The following RAD21L1 variants were observed in gnomAD, a reference collection of about 807,000 sequenced individuals.
The protein encoded by RAD21L1 is RAD21 cohesin complex component like 1.
Under a neutral mutation model 69.0 loss-of-function variants are expected in RAD21L1, and 47 were observed. The ratio of observed to expected loss-of-function variants is 0.68; its 90% CI spans 0.54 to 0.87. RAD21L1 has a LOEUF of 0.87. RAD21L1 is among the 40% of genes least tolerant of loss of function. The pLI is 0.00. For synonymous variants in RAD21L1, 177 were observed against 205.8 expected, an observed-to-expected ratio of 0.86 and a Z score of 1.20; for missense variants, 583 against 647.6, an observed-to-expected ratio of 0.90 and a Z score of 1.08.
chr20:1,242,620 C>A lies in RAD21L1; in HGVS notation c.858C>A (p.Asp286Glu). Residue 286 changes from aspartate (D) to glutamate (E), a missense_variant and splice_region_variant, in exon 9 of 14, where the codon GAC becomes GAA. Asp to Glu is a conservative substitution (Grantham distance 45, BLOSUM62 2). Coordinates refer to ENST00000683101, the MANE Select transcript of RAD21L1 (RefSeq NM_001384355.1). ...ATTTGTGCTATTTCTTATATTTAGA[C>A]ATTGCTGAGAAAAGGAAAGGCAAAA... ...GFTLDPIDIS[D>E]IAEKRKGKKR... 6.5e-7 allele frequency: 1 copy of A among 1,543,408 alleles called. No homozygotes were observed. The highest frequency in any genetic ancestry group is 8.8e-7 in the Non-Finnish European group (1 of 1,139,532).
At chr20:1,237,929 A>C (rs1002040324) in intron 5 of RAD21L1, 115 bp from the exon 6 acceptor site, 6 of 519,458 alleles carry the variant, frequency 1.2e-5, no homozygotes, top group Non-Finnish European at 2.0e-5. Context: ...CATTCTCTTC[A>C]TCTATAAAAT....
At chr20:1,236,831 G>A (rs2087503728) in intron 5 of RAD21L1, among the ~76,000 whole-genome samples, 2 of 152,108 alleles carry the variant, frequency 1.3e-5, no homozygotes, top group African/African-American at 4.8e-5. Flanking sequence ...TAAGATCAAA[G>A]GCAATGATTA....
At chr20:1,243,071 A>C in intron 9 of RAD21L1, 26 bp from the exon 10 acceptor site, 1 of 1,445,430 alleles carries the variant, frequency 6.9e-7, no homozygotes, top group Non-Finnish European at 9.3e-7. Flanking sequence ...CAAAAACAAA[A>C]AAAACAAAAA....
rs1387681182 is a variant in RAD21L1, at chr20:1,246,074, A to T, written c.1309-139A>T. 1.1e-5 allele frequency: 5 copies of T among 466,840 alleles called. No homozygotes were observed. In the Admixed American group the frequency reaches 1.3e-4, roughly 12 times the overall value. 28.9% of individuals were successfully genotyped at this position (466,840 alleles called of 1,614,324 possible). On this transcript the variant is annotated intron_variant, in intron 11 of 13. Coordinates refer to ENST00000683101, the MANE Select transcript of RAD21L1 (RefSeq NM_001384355.1). The surrounding 1 kb of genome is among the most constrained non-coding windows in gnomAD (Gnocchi z 4.6). ...TGCCTATCTGGGGTATTTCAGAGAT[A>T]ATATTTTGAGAATGTGGGTAGTATT...
Position 1,243,939 on chromosome 20 carries a change from T to C in RAD21L1, c.1184-107T>C. 3 of 955,302 alleles carry C rather than the reference T, an allele frequency of 3.1e-6. No homozygotes were observed. The Middle Eastern group carries it at 6.5e-4, about 208-fold the overall frequency. The allele number at this position is 955,302 out of a possible 1,614,324, so 59.2% of individuals were successfully genotyped here. ...GTTTGTGTATCCTTTGCTTAAATTC[T>C]TGGATCCCAACATGTCTGTCAGAAG... On this transcript the variant is annotated intron_variant, in intron 10 of 13. Transcript: ENST00000683101.
At position 1,242,644 on chromosome 20, in the gene RAD21L1, A is replaced by G; in HGVS notation, c.882A>G (p.Lys294=). The stretch of plus-strand genomic sequence containing the variant: ...ACATTGCTGAGAAAAGGAAAGGCAA[A>G]AAGAGGAGATTGCTCATAGATCCTA... ...ISDIAEKRKG[K]KRRLLIDPIK... The change falls in exon 9 of 14, where the codon AAA becomes AAG. Residue 294 remains lysine (K), a synonymous_variant. Coordinates refer to ENST00000683101, the MANE Select transcript of RAD21L1 (RefSeq NM_001384355.1). 1 of 1,551,358 alleles carries G rather than the reference A, an allele frequency of 6.4e-7. No homozygotes were observed. The highest frequency in any genetic ancestry group is 8.7e-7 in the Non-Finnish European group (1 of 1,146,690).
In RAD21L1 at chr20:1,242,714, T is replaced by C. The variant is rs373895148; in HGVS notation, c.952T>C (p.Phe318Leu). 6.4e-7 allele frequency: 1 copy of C among 1,551,664 alleles called. No homozygotes were observed. Among genetic ancestry groups the C allele is most frequent in the South Asian group, 1.2e-5 (1 of 84,056 alleles). The change falls in exon 9 of 14, where the codon TTT (phenylalanine) becomes CTT (leucine). Residue 318 changes from phenylalanine to leucine, a missense_variant. By Grantham distance (22) the Phe-to-Leu change is conservative. Coordinates refer to ENST00000683101, the MANE Select transcript of RAD21L1 (RefSeq NM_001384355.1). ...SKVIHKQLTS[F>L]ADTLMVLELA... ...AGTTATACATAAACAGCTTACTTCC[T>C]TTGCGGACACACTCATGGTTTTGGA...
intron 12 of RAD21L1, among the ~76,000 whole-genome samples, chr20:1,248,065 A>AAAAAAAAAAAT (rs2087753095): frequency 6.6e-6 from 1 of 150,786 alleles, no homozygotes; most frequent in Admixed American, 6.6e-5. Context: ...AAAAAAAAAA[A>AAAAAAAAAAAT]AAAGAATCTA....
intron 5 of RAD21L1, among the ~76,000 whole-genome samples, chr20:1,235,140 T>C (rs1415655446): frequency 6.6e-6 from 1 of 152,220 alleles, no homozygotes; most frequent in African/African-American, 2.4e-5. Flanking sequence ...TATCATGATA[T>C]TTATACACCT....
chr20:1,243,031 C>A, intron 9 of RAD21L1, 66 bp from the exon 10 acceptor site: 1 of 1,035,352 alleles, frequency 9.7e-7, no homozygotes, highest in Non-Finnish European at 1.4e-6. Flanking sequence ...TAGATATGTG[C>A]TTGTGTTTTC....
intron 2 of RAD21L1, 37 bp from the exon 3 acceptor site, chr20:1,229,843 A>G (rs770821885): frequency 8.3e-6 from 12 of 1,450,814 alleles, no homozygotes; most frequent in Non-Finnish European, 1.1e-5. Flanking sequence ...TATGAACCTA[A>G]TCTTTACTCT....
At chr20:1,230,490 C>A in intron 3 of RAD21L1, 1 of 739,972 alleles carries the variant, frequency 1.4e-6, no homozygotes, top group Non-Finnish European at 1.7e-6. Flanking sequence ...AATATAATAC[C>A]TTCAAAATTT....
At chr20:1,244,974 A>G (rs879877791) in intron 11 of RAD21L1, among the ~76,000 whole-genome samples, 3 of 152,208 alleles carry the variant, frequency 2.0e-5, no homozygotes, top group Non-Finnish European at 4.4e-5. Flanking sequence ...CTGGGTTGCT[A>G]GTACTACTCT....
chr20:1,235,909 A>G (rs2087485127), intron 5 of RAD21L1, among the ~76,000 whole-genome samples: 1 of 152,060 alleles, frequency 6.6e-6, no homozygotes, highest in African/African-American at 2.4e-5. Context: ...CTGGGACTAC[A>G]GGCATGCACC....
Position 1,255,657 on chromosome 20 carries a change from G to T in RAD21L1, c.*1200G>T, listed in dbSNP as rs1279985916. Among the ~76,000 whole-genome samples the T allele has an allele frequency of 6.6e-6, 1 of 152,068 alleles. No individual in the cohort carries two copies. The highest frequency in any genetic ancestry group is 1.9e-4 in the East Asian group (1 of 5,194). On this transcript the variant is annotated 3_prime_UTR_variant, in exon 14 of 14. Coordinates refer to ENST00000683101, the MANE Select transcript of RAD21L1 (RefSeq NM_001384355.1). ...CTGTGAATTTTAACATATTTGTAGA[G>T]TCCTGTAACCATCTCCACAATTAGG...
intron 13 of RAD21L1, among the ~76,000 whole-genome samples, chr20:1,250,419 C>T (rs963393397): frequency 6.6e-6 from 1 of 152,016 alleles, no homozygotes; most frequent in Non-Finnish European, 1.5e-5. Context: ...CAAGTGTTCT[C>T]ATTTTTCAAT....
At chr20:1,240,242 T>C (rs561645948) in intron 7 of RAD21L1, 79 bp from the exon 8 acceptor site, 25 of 1,418,966 alleles carry the variant, frequency 1.8e-5, no homozygotes, top group African/African-American at 3.0e-5. Flanking sequence ...TTTATCTTTA[T>C]CTTTAATTCT....
chr20:1,250,679 G>A (rs2087810616), intron 13 of RAD21L1, among the ~76,000 whole-genome samples: 1 of 152,146 alleles, frequency 6.6e-6, no homozygotes, highest in Non-Finnish European at 1.5e-5. Context: ...ATGTGCATGT[G>A]TCTTTATAGC....
chr20:1,228,402 TC>T lies in RAD21L1; in HGVS notation c.-32-19del. 1 of 1,319,814 alleles carries T rather than the reference TC, an allele frequency of 7.6e-7. No individual in the cohort carries two copies. The highest frequency in any genetic ancestry group is 9.8e-7 in the Non-Finnish European group (1 of 1,015,328). 81.8% of individuals were successfully genotyped at this position (1,319,814 alleles called of 1,614,324 possible). A position where few individuals can be genotyped will look rare whatever the true frequency, so the allele number is the denominator to read the frequency against. ...AGTTTTTGTAATAAAATTTTAAATT[TC>T]TTTTCGTGTTCTCTCTAGTTTGTTA... On this transcript the variant is annotated intron_variant, in intron 1 of 13. Transcript: ENST00000683101.
Sources: gnomAD v4.1 joint callset for allele counts (sites outside exome capture counted in the v4.1 genomes callset) on GRCh38, gnomAD v4.1.1 for gene constraint, Gnocchi (gnomAD v3.1) non-coding constraint, MANE v1.5 for transcripts, NCBI Gene and HGNC (gene_info 2026-07-23, HGNC 2026-07-21) for gene names.